The following GRIN3A variants were observed in gnomAD, a reference collection of about 807,000 sequenced individuals.
The protein encoded by GRIN3A is glutamate ionotropic receptor NMDA type subunit 3A, also known as glutamate receptor ionotropic, NMDA 3A.
GRIN3A carries 47 observed loss-of-function variants against 92.4 expected under a neutral mutation model. The observed-to-expected ratio is 0.51, with a 90% CI of 0.40 to 0.65. The LOEUF (loss-of-function observed/expected upper bound fraction) is 0.65. GRIN3A is among the 30% of genes least tolerant of loss of function. GRIN3A has a pLI of 0.00. For synonymous variants in GRIN3A, 527 were observed against 540.6 expected, an observed-to-expected ratio of 0.97 and a Z score of 0.35; for missense variants, 1,324 against 1,393.1, an observed-to-expected ratio of 0.95 and a Z score of 0.79.
At chr9:101,700,550 T>C (rs964707818) in intron 1 of GRIN3A, among the ~76,000 whole-genome samples, 3 of 152,162 alleles carry the variant, frequency 2.0e-5, no homozygotes, top group Non-Finnish European at 4.4e-5. Context: ...GTGTCCTTCA[T>C]TTACTTTATA....
chr9:101,669,896 A>G (rs184730025), intron 3 of GRIN3A, among the ~76,000 whole-genome samples, 164 bp downstream of exon 3: 7 of 152,258 alleles, frequency 4.6e-5, no homozygotes, highest in Admixed American at 4.6e-4. Context: ...CAAACAATGG[A>G]ATATTTAGTT....
At chr9:101,678,546 T>G (rs1178720733) in intron 2 of GRIN3A, among the ~76,000 whole-genome samples, 6 of 152,186 alleles carry the variant, frequency 3.9e-5, no homozygotes, top group Non-Finnish European at 8.8e-5. Flanking sequence ...AGTAATATAT[T>G]AAACATATAT....
intron 3 of GRIN3A, among the ~76,000 whole-genome samples, chr9:101,661,859 C>T (rs1361521416): frequency 2.6e-5 from 4 of 151,810 alleles, no homozygotes; most frequent in Admixed American, 6.6e-5. Flanking sequence ...AATGTGCTTC[C>T]ACTAAGGTTG....
intron 1 of GRIN3A, among the ~76,000 whole-genome samples, chr9:101,710,685 A>G (rs1431848674): frequency 2.0e-5 from 3 of 152,236 alleles, no homozygotes; most frequent in East Asian, 1.9e-4. Context: ...GTGATGAGGT[A>G]TCCCAGGTAG....
intron 2 of GRIN3A, among the ~76,000 whole-genome samples, chr9:101,685,916 C>T (rs1829528072): frequency 6.6e-6 from 1 of 151,796 alleles, no homozygotes; most frequent in African/African-American, 2.4e-5. Context: ...GAATATAGAA[C>T]AAAGGAAATT....
rs967441668 is a variant in GRIN3A at position 101,731,075 on chromosome 9, C to T, written c.699+6206G>A. 7.9e-5 allele frequency among the ~76,000 whole-genome samples: 12 copies of T among 152,096 alleles called. No homozygotes were observed. In the South Asian group the frequency reaches 1.0e-3, roughly 13 times the overall value. ...CCTCATTTTGAATGAGTACATTGTA[C>T]TCCGTTAAAAAATGATTCAATTAAT... On this transcript the variant is annotated intron_variant, in intron 1 of 8. Transcript: ENST00000361820.
At chr9:101,639,385 A>G (rs1828824734) in intron 3 of GRIN3A, among the ~76,000 whole-genome samples, 1 of 152,158 alleles carries the variant, frequency 6.6e-6, no homozygotes, top group Non-Finnish European at 1.5e-5. Flanking sequence ...TGGCATCAGA[A>G]TAACCCCGGC....
At chr9:101,692,529 A>T (rs1189035143) in intron 1 of GRIN3A, among the ~76,000 whole-genome samples, 1 of 152,188 alleles carries the variant, frequency 6.6e-6, no homozygotes, top group Admixed American at 6.5e-5. Flanking sequence ...AGAAGAGAAA[A>T]GATGCAATTC....
intron 3 of GRIN3A, among the ~76,000 whole-genome samples, chr9:101,645,522 C>T (rs181463041): frequency 1.3e-3 from 194 of 151,582 alleles, no homozygotes; most frequent in Non-Finnish European, 2.0e-3. Context: ...AGTGGGATTG[C>T]TGGATCTTAT....
chr9:101,573,195 T>C lies in GRIN3A; in HGVS notation c.3327A>G (p.Thr1109=). The change falls in exon 9 of 9, where the codon ACA becomes ACG. Residue 1109 remains threonine, a synonymous_variant. Transcript: ENST00000361820. ...TCACCTAGGACTCACAAGTCCGACT[T>C]GTCCTTTGATACTCCTCCAGCTCCG... ...RKTELEEYQR[T]SRTCES 1 of 1,613,992 alleles carries C rather than the reference T, an allele frequency of 6.2e-7. No homozygotes were observed. Among genetic ancestry groups the C allele is most frequent in the Non-Finnish European group, 8.5e-7 (1 of 1,179,918 alleles).
chr9:101,717,589 CTTTG>C (rs1400746532), intron 1 of GRIN3A, among the ~76,000 whole-genome samples: 1 of 152,192 alleles, frequency 6.6e-6, no homozygotes, highest in Non-Finnish European at 1.5e-5. Flanking sequence ...TTTCCCGATA[CTTTG>C]TTTGACAGGA....
At chr9:101,643,497 C>T (rs1012693461) in intron 3 of GRIN3A, among the ~76,000 whole-genome samples, 2 of 151,814 alleles carry the variant, frequency 1.3e-5, no homozygotes, top group African/African-American at 4.8e-5. Flanking sequence ...ATGGAGTTTC[C>T]TCAAAAAACT....
intron 3 of GRIN3A, among the ~76,000 whole-genome samples, chr9:101,666,966 T>C (rs1387054912): frequency 6.6e-6 from 1 of 152,058 alleles, no homozygotes; most frequent in East Asian, 1.9e-4. Flanking sequence ...TGGATACCAC[T>C]ATACTGTGCT....
chr9:101,693,973 A>G (rs540475725), intron 1 of GRIN3A, among the ~76,000 whole-genome samples: 1 of 152,330 alleles, frequency 6.6e-6, no homozygotes, highest in Admixed American at 6.5e-5. Context: ...ATCTTAGCAC[A>G]TATCTCTCAG....
chr9:101,578,395 A>T (rs185851207), intron 7 of GRIN3A, among the ~76,000 whole-genome samples: 2 of 152,196 alleles, frequency 1.3e-5, no homozygotes, highest in Admixed American at 1.3e-4. Flanking sequence ...GGAGTTTAGT[A>T]TGAGGGTATA....
In GRIN3A at chr9:101,737,499, G is replaced by T; in HGVS notation, c.481C>A (p.Leu161Met). The T allele has an allele frequency of 6.2e-7, 1 of 1,614,268 alleles. No individual in the cohort carries two copies. The highest frequency in any genetic ancestry group is 8.5e-7 in the Non-Finnish European group (1 of 1,180,044). Residue 161 changes from leucine (L) to methionine (M), a missense_variant, in exon 1 of 9, where the codon CTG becomes ATG. Physicochemically the swap from Leu to Met is conservative, Grantham distance 15. Coordinates refer to ENST00000361820, the MANE Select transcript of GRIN3A (RefSeq NM_133445.3). ...GGGGAGGAGAAGGGCAAAAGTGGCA[G>T]ATCGCCCAGGCCTGCCTCGATGGCC... ...VMAIEAGLGD[L>M]PLLPFSSPSS...
chr9:101,587,846 C>T (rs1428882199), intron 6 of GRIN3A, among the ~76,000 whole-genome samples: 1 of 152,146 alleles, frequency 6.6e-6, no homozygotes, highest in Admixed American at 6.5e-5. Context: ...ATATGGATGA[C>T]TCATAGATGC....
chr9:101,674,362 G>A (rs1829366356), intron 2 of GRIN3A, among the ~76,000 whole-genome samples: 1 of 151,966 alleles, frequency 6.6e-6, no homozygotes, highest in South Asian at 2.1e-4. Context: ...TCTTTCTTTT[G>A]CTTCCTCTTT....
chr9:101,636,379 G>A (rs1828786046), intron 3 of GRIN3A, among the ~76,000 whole-genome samples: 1 of 152,230 alleles, frequency 6.6e-6, no homozygotes, highest in Admixed American at 6.5e-5. Context: ...ACTGTGCCAG[G>A]ATCTTAAATT....
Sources: gnomAD v4.1 joint callset for allele counts (sites outside exome capture counted in the v4.1 genomes callset) on GRCh38, gnomAD v4.1.1 for gene constraint, MANE v1.5 for transcripts, NCBI Gene and HGNC (gene_info 2026-07-23, HGNC 2026-07-21) for gene names.